PDSS2: variants seen among roughly 807,000 people sequenced by gnomAD.
The protein encoded by PDSS2 is all trans-polyprenyl-diphosphate synthase PDSS2.
In PDSS2, 31 loss-of-function variants were observed where a neutral mutation model predicts 44.5. That is an observed-to-expected ratio of 0.70 (90% CI 0.52 to 0.94). PDSS2 has a LOEUF of 0.94. PDSS2 is among the 40% of genes least tolerant of loss of function. PDSS2 has a pLI of 0.00. For missense variants in PDSS2, 452 were observed against 482.2 expected (o/e 0.94, Z 0.59); for synonymous variants, 157 against 180.3 (o/e 0.87, Z 1.03).
At chr6:107,309,772 T>C (rs1776974458) in intron 2 of PDSS2, among the ~76,000 whole-genome samples, 1 of 152,230 alleles carries the variant, frequency 6.6e-6, no homozygotes. Context: ...CTTAAGCTGT[T>C]ACATGGCACT....
intron 4 of PDSS2, among the ~76,000 whole-genome samples, chr6:107,216,569 T>C (rs1397738789): frequency 1.3e-5 from 2 of 152,044 alleles, no homozygotes; most frequent in Non-Finnish European, 2.9e-5. Flanking sequence ...GAAGAAAATG[T>C]TAAAATACTA....
At chr6:107,188,182 A>T (rs1395993024) in intron 7 of PDSS2, among the ~76,000 whole-genome samples, 1 of 152,166 alleles carries the variant, frequency 6.6e-6, no homozygotes, top group Non-Finnish European at 1.5e-5. Flanking sequence ...GTTCGAGACC[A>T]GCCTGAGCAA....
At chr6:107,223,207 G>C (rs1773675091) in intron 4 of PDSS2, among the ~76,000 whole-genome samples, 1 of 150,858 alleles carries the variant, frequency 6.6e-6, no homozygotes, top group African/African-American at 2.5e-5. Context: ...AGGATTATAG[G>C]TGTGAACCAC....
At chr6:107,347,366 G>A (rs933627878) in intron 1 of PDSS2, among the ~76,000 whole-genome samples, 1 of 144,086 alleles carries the variant, frequency 6.9e-6, no homozygotes, top group Admixed American at 7.3e-5. Flanking sequence ...CGATTCTCCC[G>A]ATTCAAGCGA....
At chr6:107,203,960 T>C (rs1049761825) in intron 6 of PDSS2, among the ~76,000 whole-genome samples, 1 of 151,880 alleles carries the variant, frequency 6.6e-6, no homozygotes, top group Admixed American at 6.6e-5. Flanking sequence ...TTTTTTTTTT[T>C]TGAGACAGAG....
chr6:107,458,830 A>T (rs1017824193), intron 1 of PDSS2, among the ~76,000 whole-genome samples, 160 bp downstream of exon 1: 1 of 152,214 alleles, frequency 6.6e-6, no homozygotes, highest in Non-Finnish European at 1.5e-5. Context: ...AGTGGACTAG[A>T]GAAGAGACAA....
Position 107,154,693 on chromosome 6 carries a change from G to A in PDSS2, c.1126C>T (p.Leu376=). The change falls in exon 8 of 8, where the codon CTG becomes TTG. Residue 376 remains leucine (L), a synonymous_variant. Transcript: ENST00000369037. ...GCCTCCGAGGGAGGAAAGCTCTCCA[G>A]GGCCTCCAGTGCCTTGTTTCCATGG... The part of the protein sequence containing the change: ...RYHGNKALEA[L]ESFPPSEARS... The A allele has an allele frequency of 1.2e-6, 2 of 1,614,122 alleles. No homozygotes were observed. Among genetic ancestry groups the A allele is most frequent in the Non-Finnish European group, 1.7e-6 (2 of 1,179,972 alleles).
chr6:107,241,356 T>C (rs1381182559), intron 4 of PDSS2, among the ~76,000 whole-genome samples: 2 of 139,192 alleles, frequency 1.4e-5, no homozygotes, highest in Non-Finnish European at 3.1e-5. Context: ...TTTTTTTTTT[T>C]TTTTTTTTTG....
intron 1 of PDSS2, among the ~76,000 whole-genome samples, chr6:107,411,514 T>C (rs1378808541): frequency 1.3e-5 from 2 of 152,224 alleles, no homozygotes; most frequent in Admixed American, 1.3e-4. Context: ...AAGAGCCATC[T>C]ATACAATTGG....
In PDSS2 at chr6:107,458,998, G is replaced by C; in HGVS notation, c.288C>G (p.Thr96=). Residue 96 remains threonine (T), a synonymous_variant, in exon 1 of 8, where the codon ACC becomes ACG. Coordinates refer to ENST00000369037, the MANE Select transcript of PDSS2 (RefSeq NM_020381.4). The part of the protein sequence containing the change: ...KLVGTQHPLL[T]TARGLVHDSW... ...GGAGAGGGGTAGCTCACCTGGCTGT[G>C]GTAAGCAGAGGGTGCTGAGTGCCCA... 1 of 1,614,020 alleles carries C rather than the reference G, an allele frequency of 6.2e-7. No individual in the cohort carries two copies. Among genetic ancestry groups the C allele is most frequent in the Non-Finnish European group, 8.5e-7 (1 of 1,179,932 alleles).
intron 1 of PDSS2, among the ~76,000 whole-genome samples, chr6:107,388,375 C>G (rs1779675362): frequency 6.6e-6 from 1 of 151,930 alleles, no homozygotes; most frequent in Non-Finnish European, 1.5e-5. Context: ...CAAATACAAC[C>G]TAAAAATCAT....
chr6:107,428,460 T>C (rs1481051446), intron 1 of PDSS2, among the ~76,000 whole-genome samples: 1 of 152,206 alleles, frequency 6.6e-6, no homozygotes, highest in Non-Finnish European at 1.5e-5. Flanking sequence ...AAAATTTTAT[T>C]CCATTCCTTC....
At chr6:107,447,259 C>T (rs1781716282) in intron 1 of PDSS2, among the ~76,000 whole-genome samples, 1 of 152,112 alleles carries the variant, frequency 6.6e-6, no homozygotes, top group Non-Finnish European at 1.5e-5. Flanking sequence ...TGGCGTGAAC[C>T]CAGGAGGCAG....
chr6:107,181,813 C>A (rs1392235797), intron 7 of PDSS2, among the ~76,000 whole-genome samples: 2 of 151,368 alleles, frequency 1.3e-5, no homozygotes, highest in African/African-American at 4.9e-5. Context: ...TCGCTTGAAC[C>A]CAGGAGGTGG....
intron 2 of PDSS2, among the ~76,000 whole-genome samples, chr6:107,280,869 T>A (rs570410418): frequency 6.6e-6 from 1 of 152,290 alleles, no homozygotes; most frequent in Non-Finnish European, 1.5e-5. Flanking sequence ...TTTATTCTTT[T>A]TGAGAGGTTA....
chr6:107,301,064 G>A (rs566858181), intron 2 of PDSS2, among the ~76,000 whole-genome samples: 21 of 152,278 alleles, frequency 1.4e-4, no homozygotes, highest in African/African-American at 4.1e-4. Context: ...ATTTTCATCC[G>A]AGTGAACACA....
At position 107,197,768 on chromosome 6, in the gene PDSS2, CCT is replaced by C. The variant is rs1772618358; in HGVS notation, c.1009-3916_1009-3915del. ...TGTCATTTCCTCACTGTCAATGTTG[CCT>C]CTCTTCTAACCATCTCCTCTTCATG... is the stretch of plus-strand genomic sequence containing the variant. On this transcript the variant is annotated intron_variant, in intron 6 of 7. Transcript: ENST00000369037. 1.1e-5 allele frequency: 5 copies of C among 466,404 alleles called. No individual in the cohort carries two copies. In the Admixed American group the frequency reaches 1.2e-4, roughly 11 times the overall value. The allele number at this position is 466,404 out of a possible 1,614,324, so 28.9% of individuals were successfully genotyped here.
chr6:107,319,271 C>T (rs1777309500), intron 2 of PDSS2, among the ~76,000 whole-genome samples: 1 of 152,308 alleles, frequency 6.6e-6, no homozygotes, highest in Admixed American at 6.5e-5. Context: ...CTACTCCCCA[C>T]ATTTAAAGCT....
intron 3 of PDSS2, among the ~76,000 whole-genome samples, chr6:107,259,254 A>G (rs982587194): frequency 3.3e-5 from 5 of 152,244 alleles, no homozygotes; most frequent in African/African-American, 9.6e-5. Flanking sequence ...GGGAATTAAG[A>G]TATCAGATAG....
Sources: gnomAD v4.1 joint callset for allele counts (sites outside exome capture counted in the v4.1 genomes callset) on GRCh38, gnomAD v4.1.1 for gene constraint, MANE v1.5 for transcripts, NCBI Gene and HGNC (gene_info 2026-07-23, HGNC 2026-07-21) for gene names.